The following MAP3K10 variants were observed in gnomAD, a reference collection of about 807,000 sequenced individuals.
The protein encoded by MAP3K10 is MKN28 derived nonreceptor_type serine/threonine kinase.
In MAP3K10, 22 loss-of-function variants were observed where a neutral mutation model predicts 75.0. The ratio of observed to expected loss-of-function variants is 0.29; its 90% CI spans 0.21 to 0.42. The LOEUF is 0.42. MAP3K10 is among the 10% of genes least tolerant of loss of function. MAP3K10 has a pLI of 1.00. For synonymous variants in MAP3K10, 599 were observed against 612.9 expected (o/e 0.98, Z 0.34); for missense variants, 1,165 against 1,379.8 (o/e 0.84, Z 2.47).
In MAP3K10 at chr19:40,198,788, CCGGG is replaced by C. The variant is rs1356090411; in HGVS notation, c.863+236_863+239del. Among the ~76,000 whole-genome samples, 1 of 152,260 alleles carries C rather than the reference CCGGG, an allele frequency of 6.6e-6. No individual in the cohort carries two copies. The highest frequency in any genetic ancestry group is 2.4e-5 in the African/African-American group (1 of 41,466). On this transcript the variant is annotated intron_variant, in intron 2 of 9. Transcript: ENST00000253055. The surrounding 1 kb of genome is among the most constrained non-coding windows in gnomAD (Gnocchi z 4.3). ...AAGCTCATAGGATCTAGAGACAAGG[CCGGG>C]CGCGGGGGCGCACACCTGTAATCCC...
Position 40,214,018 on chromosome 19 carries a change from CGCCCGCGCCCACACCCACG to C in MAP3K10, c.2340_2358del (p.Ala782ArgfsTer34). On this transcript the variant is annotated frameshift_variant, in exon 9 of 10. Coordinates refer to ENST00000253055, the MANE Select transcript of MAP3K10 (RefSeq NM_002446.4). LOFTEE classifies it high-confidence loss of function. ...GCCGCGCCCTCCCCACCACCCTCCC[CGCCCGCGCCCACACCCACG>C]CCCTCGCCCAGCACCAACCCCCTGG... 8 of 1,507,994 alleles carry C rather than the reference CGCCCGCGCCCACACCCACG, an allele frequency of 5.3e-6. No homozygotes were observed. Among genetic ancestry groups the C allele is most frequent in the African/African-American group, 2.8e-5 (2 of 70,780 alleles). 93.4% of individuals were successfully genotyped at this position (1,507,994 alleles called of 1,614,324 possible).
rs1415074878 is a variant in MAP3K10, at chr19:40,215,221, C to CTGGACA, written c.2805_2810dup (p.Asp935_Met936dup). The CTGGACA allele has an allele frequency of 1.3e-6, 2 of 1,568,922 alleles. No homozygotes were observed. ...GCCCCCCAGCGTGCAGCCCACACTG[C>CTGGACA]TGGACATGGACATGGAGGGGCAGAA... On this transcript the variant is annotated inframe_insertion, in exon 10 of 10. Transcript: ENST00000253055.
chr19:40,192,638 G>T lies in MAP3K10; in HGVS notation c.607G>T (p.Val203Leu). Residue 203 changes from valine to leucine, a missense_variant, in exon 1 of 10, where the codon GTG becomes TTG. Physicochemically the swap from Val to Leu is conservative, Grantham distance 32. Coordinates refer to ENST00000253055, the MANE Select transcript of MAP3K10 (RefSeq NM_002446.4). This position sits in a 1 kb window ranked among gnomAD's most constrained non-coding sequence, Gnocchi z 7.1. ...CGTGCTGGTCAACTGGGCTGTGCAG[G>T]TGGCCCGGGGCATGAACTACCTACA... ...PHVLVNWAVQ[V>L]ARGMNYLHND... 6.2e-7 allele frequency: 1 copy of T among 1,603,380 alleles called. No individual in the cohort carries two copies. The highest frequency in any genetic ancestry group is 8.5e-7 in the Non-Finnish European group (1 of 1,174,686).
intron 5 of MAP3K10, among the ~76,000 whole-genome samples, chr19:40,207,918 G>T (rs1172645505): frequency 6.6e-6 from 1 of 151,618 alleles, no homozygotes; most frequent in Non-Finnish European, 1.5e-5. Flanking sequence ...TTCTGAGATG[G>T]GGTCTTGCTA....
Position 40,192,614 on chromosome 19 carries a change from G to A in MAP3K10, c.583G>A (p.Val195Met). The A allele has an allele frequency of 1.2e-6, 2 of 1,611,848 alleles. No individual in the cohort carries two copies. The highest frequency in any genetic ancestry group is 2.2e-5 in the East Asian group (1 of 44,874). Residue 195 changes from valine (V) to methionine (M), a missense_variant, in exon 1 of 10, where the codon GTG (valine) becomes ATG (methionine). Physicochemically the swap from Val to Met is conservative, Grantham distance 21. Transcript: ENST00000253055. The surrounding 1 kb of genome is among the most constrained non-coding windows in gnomAD (Gnocchi z 7.1). ...GGCAGGTCGCCGGGTGCCACCTCAC[G>A]TGCTGGTCAACTGGGCTGTGCAGGT... is the stretch of plus-strand genomic sequence containing the variant. ...VLAGRRVPPH[V>M]LVNWAVQVAR...
At chr19:40,214,312 G>A in intron 9 of MAP3K10, 91 bp downstream of exon 9, 1 of 1,309,566 alleles carries the variant, frequency 7.6e-7, no homozygotes, top group Non-Finnish European at 9.8e-7. Flanking sequence ...CGACCCCTCA[G>A]GCAGCCACCT....
intron 6 of MAP3K10, 47 bp downstream of exon 6, chr19:40,209,266 A>C: frequency 6.7e-7 from 1 of 1,498,986 alleles, no homozygotes; most frequent in Non-Finnish European, 9.3e-7. Context: ...CAGTGAACAA[A>C]CATTTTTTAG....
Position 40,204,797 on chromosome 19 carries a change from A to G in MAP3K10, c.1012+164A>G. ...AAACAGCCTCCCCATGGTTGGCTCC[A>G]TCCCCCACATCCCAGCCCTTGTTTG... On this transcript the variant is annotated intron_variant, in intron 3 of 9. Transcript: ENST00000253055. The surrounding 1 kb of genome is among the most constrained non-coding windows in gnomAD (Gnocchi z 4.3). 1.2e-6 allele frequency: 1 copy of G among 810,592 alleles called. No homozygotes were observed. Among genetic ancestry groups the G allele is most frequent in the Non-Finnish European group, 1.9e-6 (1 of 530,176 alleles). 50.2% of individuals were successfully genotyped at this position (810,592 alleles called of 1,614,324 possible). A position where few individuals can be genotyped will look rare whatever the true frequency, so the allele number is the denominator to read the frequency against.
rs760331559 is a variant in MAP3K10, at chr19:40,214,178, G to A, written c.2499G>A (p.Ala833=). ...RGHRRTPSDG[A]LGQRGPPEPA... is the part of the protein sequence containing the mutation. ...ACCGGCGGACGCCATCGGACGGGGC[G>A]CTGGGGCAGCGGGGGCCGCCCGAGC... Residue 833 remains alanine (A), a synonymous_variant, in exon 9 of 10, where the codon GCG becomes GCA. Coordinates refer to ENST00000253055, the MANE Select transcript of MAP3K10 (RefSeq NM_002446.4). 3.0e-5 allele frequency: 44 copies of A among 1,481,096 alleles called. No homozygotes were observed. Among genetic ancestry groups the A allele is most frequent in the Middle Eastern group, 2.0e-4 (1 of 4,926 alleles). 91.7% of individuals were successfully genotyped at this position (1,481,096 alleles called of 1,614,324 possible).
In MAP3K10 at chr19:40,192,316, C is replaced by T. The variant is rs1341869847; in HGVS notation, c.285C>T (p.Phe95=). 10 of 1,607,908 alleles carry T rather than the reference C, an allele frequency of 6.2e-6. No homozygotes were observed. The highest frequency in any genetic ancestry group is 3.4e-5 in the Admixed American group (2 of 59,346). ...TCCAGCTGCCCCAGGAGATCCCCTT[C>T]CACGAGCTGCAGCTAGAGGAGATCA... ...AGLQLPQEIP[F]HELQLEEIIG... is the part of the protein sequence containing the mutation. The change falls in exon 1 of 10, where the codon TTC becomes TTT. Residue 95 remains phenylalanine, a synonymous_variant. Transcript: ENST00000253055. This position sits in a 1 kb window ranked among gnomAD's most constrained non-coding sequence, Gnocchi z 7.1.
Position 40,214,115 on chromosome 19 carries a change from C to T in MAP3K10, c.2436C>T (p.Pro812=), listed in dbSNP as rs1271056759. The T allele has an allele frequency of 6.4e-7, 1 of 1,565,484 alleles. No individual in the cohort carries two copies. The highest frequency in any genetic ancestry group is 1.8e-5 in the Admixed American group (1 of 56,530). ...FKKDPRQSLT[P]THVTAACAVS... is the part of the protein sequence containing the mutation. ...AGGACCCCCGCCAGTCGCTCACGCC[C>T]ACCCACGTCACGGCTGCATGCGCTG... The change falls in exon 9 of 10, where the codon CCC becomes CCT. Residue 812 remains proline, a synonymous_variant. Coordinates refer to ENST00000253055, the MANE Select transcript of MAP3K10 (RefSeq NM_002446.4).
Position 40,198,506 on chromosome 19 carries a change from C to A in MAP3K10, c.814C>A (p.Pro272Thr), listed in dbSNP as rs1568487929. 1 of 1,613,992 alleles carries A rather than the reference C, an allele frequency of 6.2e-7. No individual in the cohort carries two copies. The highest frequency in any genetic ancestry group is 8.5e-7 in the Non-Finnish European group (1 of 1,179,942). ...TGCGGGGACCTACGCCTGGATGGCG[C>A]CGGAGGTTATCCGTCTCTCCCTCTT... ...SAAGTYAWMA[P>T]EVIRLSLFSK... The change falls in exon 2 of 10, where the codon CCG becomes ACG. Residue 272 changes from proline (P) to threonine (T), a missense_variant. Coordinates refer to ENST00000253055, the MANE Select transcript of MAP3K10 (RefSeq NM_002446.4). This position sits in a 1 kb window ranked among gnomAD's most constrained non-coding sequence, Gnocchi z 4.3.
Position 40,191,768 on chromosome 19 carries a change from T to G in MAP3K10, c.-264T>G. 2.7e-6 allele frequency: 1 copy of G among 373,566 alleles called. No individual in the cohort carries two copies. The highest frequency in any genetic ancestry group is 6.9e-4 in the Middle Eastern group (1 of 1,444). The allele number at this position is 373,566 out of a possible 1,614,324, so 23.1% of individuals were successfully genotyped here. On this transcript the variant is annotated 5_prime_UTR_variant, in exon 1 of 10. Transcript: ENST00000253055. Reference sequence around the variant, plus strand: ...CCGCGCGGCCAGGCCCTCTTAGCCCTCTGCCGTTTGGGGGGCACGGGTGAA... The same window carrying G: ...CCGCGCGGCCAGGCCCTCTTAGCCCGCTGCCGTTTGGGGGGCACGGGTGAA...
In MAP3K10 at chr19:40,204,500, G is replaced by C. The variant is rs916625500; in HGVS notation, c.879G>C (p.Leu293=). 5 of 1,613,416 alleles carry C rather than the reference G, an allele frequency of 3.1e-6. No homozygotes were observed. Among genetic ancestry groups the C allele is most frequent in the Non-Finnish European group, 4.2e-6 (5 of 1,179,908 alleles). ...CTGCCTGCAGCTTCGGGGTGCTGCT[G>C]TGGGAGCTGCTGACGGGGGAGGTCC... ...SSDVWSFGVL[L]WELLTGEVPY... is the part of the protein sequence containing the mutation. Residue 293 remains leucine, a synonymous_variant, in exon 3 of 10, where the codon CTG becomes CTC. Transcript: ENST00000253055. This position sits in a 1 kb window ranked among gnomAD's most constrained non-coding sequence, Gnocchi z 4.3.
chr19:40,215,271 C>T lies in MAP3K10; in HGVS notation c.2844C>T (p.Cys948=), dbSNP rs527871668. ...ACCAAGACAGCACAGTGCCCCTGTG[C>T]GGGGCCCACGGCTCCCACTAAGGCC... The part of the protein sequence containing the change: ...GQNQDSTVPL[C]GAHGSH Residue 948 remains cysteine (C), a synonymous_variant, in exon 10 of 10, where the codon TGC becomes TGT. Transcript: ENST00000253055. 52 of 1,548,702 alleles carry T rather than the reference C, an allele frequency of 3.4e-5. No individual in the cohort carries two copies. Among genetic ancestry groups the T allele is most frequent in the South Asian group, 5.9e-5 (5 of 84,128 alleles).
rs1289426823 is a variant in MAP3K10 at position 40,215,209 on chromosome 19, C to T, written c.2782C>T (p.Gln928Ter). The stretch of plus-strand genomic sequence containing the variant: ...GGAGAGCCCTGGGCCCCCCAGCGTG[C>T]AGCCCACACTGCTGGACATGGACAT... Reference protein sequence around the residue: ...TPESPGPPSVQPTLLDMDMEG... With the variant: ...TPESPGPPSV Residue 928 changes from glutamine to a stop codon, truncating the protein, a stop_gained, in exon 10 of 10, where the codon CAG (glutamine) becomes TAG (stop). Coordinates refer to ENST00000253055, the MANE Select transcript of MAP3K10 (RefSeq NM_002446.4). LOFTEE classifies it high-confidence loss of function. 1.3e-6 allele frequency: 2 copies of T among 1,577,196 alleles called. No individual in the cohort carries two copies. Among genetic ancestry groups the T allele is most frequent in the Admixed American group, 1.8e-5 (1 of 54,760 alleles).
At chr19:40,208,362 TTTTTTTTG>T (rs1973169000) in intron 5 of MAP3K10, among the ~76,000 whole-genome samples, 2 of 116,356 alleles carry the variant, frequency 1.7e-5, no homozygotes, top group South Asian at 2.9e-4. Flanking sequence ...TTTTTTTTTT[TTTTTTTTG>T]TATTTTTAGT....
At position 40,212,318 on chromosome 19, in the gene MAP3K10, C is replaced by T. The variant is rs1459421104; in HGVS notation, c.1553-487C>T. Among the ~76,000 whole-genome samples the T allele has an allele frequency of 6.6e-6, 1 of 152,194 alleles. No homozygotes were observed. The highest frequency in any genetic ancestry group is 1.5e-5 in the Non-Finnish European group (1 of 68,016). On this transcript the variant is annotated intron_variant, in intron 6 of 9. Coordinates refer to ENST00000253055, the MANE Select transcript of MAP3K10 (RefSeq NM_002446.4). This position sits in a 1 kb window ranked among gnomAD's most constrained non-coding sequence, Gnocchi z 4.2. ...ACCCCAGCACTGTCCCCACCCACAG[C>T]CCCCCTGCCCTCTGTCTGGGCACCT...
intron 9 of MAP3K10, 141 bp downstream of exon 9, chr19:40,214,362 C>T: frequency 9.4e-7 from 1 of 1,064,718 alleles, no homozygotes; most frequent in Non-Finnish European, 1.3e-6. Flanking sequence ...TGTCCCTTTA[C>T]CGCTCACTCC....
Sources: gnomAD v4.1 joint callset for allele counts (sites outside exome capture counted in the v4.1 genomes callset) on GRCh38, gnomAD v4.1.1 for gene constraint, Gnocchi (gnomAD v3.1) non-coding constraint, MANE v1.5 for transcripts, NCBI Gene and HGNC (gene_info 2026-07-23, HGNC 2026-07-21) for gene names.